The following OTUD5 variants were observed in gnomAD, a reference collection of about 807,000 sequenced individuals.
OTUD5 encodes the protein OTU deubiquitinase 5.
A neutral mutation model predicts 36.3 loss-of-function variants in OTUD5; 2 were observed. The observed-to-expected ratio is 0.06, with a 90% CI of 0.02 to 0.17. The LOEUF (loss-of-function observed/expected upper bound fraction) is 0.17. Ranked by LOEUF, OTUD5 falls within the 10% of genes least tolerant of loss-of-function variation. OTUD5 has a pLI of 1.00. For missense variants in OTUD5, 233 were observed against 512.3 expected, an observed-to-expected ratio of 0.45 and a Z score of 5.26; for synonymous variants, 234 against 214.9, an observed-to-expected ratio of 1.09 and a Z score of -0.78.
At chrX:48,932,799 T>C (rs782106265) in intron 5 of OTUD5, among the ~76,000 whole-genome samples, 9 of 111,464 alleles carry the variant, frequency 8.1e-5, no homozygotes, top group African/African-American at 2.9e-4. Flanking sequence ...AAAATTTTTT[T>C]TCATTTTTTT....
chrX:48,928,112 A>G (rs1557048093), intron 5 of OTUD5, among the ~76,000 whole-genome samples: 2 of 112,729 alleles, frequency 1.8e-5, no homozygotes, highest in Admixed American at 9.4e-5. Flanking sequence ...ATCCAACACA[A>G]TGACAGTATC....
rs368391981 is a variant in OTUD5 at position 48,923,757 on chromosome X, C to T, written c.1466-11G>A. 1.0e-5 allele frequency: 12 copies of T among 1,190,315 alleles called. No homozygotes were observed. The highest frequency in any genetic ancestry group is 2.3e-4 in the Middle Eastern group (1 of 4,327). ...ACTGACTGCTTGTACCTGAAGCAGA[C>T]GGACAGTCAAAGGTAGGGACCCAGG... On this transcript the variant is annotated splice_polypyrimidine_tract_variant and intron_variant, in intron 7 of 8. Coordinates refer to ENST00000376488, the MANE Select transcript of OTUD5 (RefSeq NM_001136157.2).
chrX:48,922,809 T>C lies in OTUD5; in HGVS notation c.*365A>G. 1.3e-6 allele frequency: 1 copy of C among 788,625 alleles called. No individual in the cohort carries two copies. Among genetic ancestry groups the C allele is most frequent in the African/African-American group, 2.2e-5 (1 of 44,999 alleles). 65.0% of individuals were successfully genotyped at this position (788,625 alleles called of 1,213,427 possible). ...TGGAAGGAATGAGGGGCAGGGAGACTTTCCTCTGTCTGAATGTCTCTCTCC... is the reference window on the plus strand; with the variant it reads ...TGGAAGGAATGAGGGGCAGGGAGACCTTCCTCTGTCTGAATGTCTCTCTCC... On this transcript the variant is annotated 3_prime_UTR_variant, in exon 9 of 9. Transcript: ENST00000376488.
intron 5 of OTUD5, among the ~76,000 whole-genome samples, chrX:48,930,642 T>C (rs1004666851): frequency 6.3e-5 from 7 of 111,746 alleles, no homozygotes; most frequent in African/African-American, 2.0e-4. Flanking sequence ...CAGTCTCCAA[T>C]ACATGCCAGG....
rs1188711919 is a variant in OTUD5, at chrX:48,942,244, TACACACACACAC to T, written c.688+1934_688+1945del. The stretch of plus-strand genomic sequence containing the variant: ...ACAGCTAGCTAGATACACACACACA[TACACACACACAC>T]ACACACACACACACACACACACACA... On this transcript the variant is annotated intron_variant, in intron 2 of 8. Transcript: ENST00000376488. Among the ~76,000 whole-genome samples, 7 of 57,094 alleles carry T rather than the reference TACACACACACAC, an allele frequency of 1.2e-4. No homozygotes were observed. The East Asian group carries it at 1.9e-3, about 15-fold the overall frequency. The allele number at this position is 57,094 out of a possible 115,157, so 49.6% of individuals were successfully genotyped here. A position where few individuals can be genotyped will look rare whatever the true frequency, so the allele number is the denominator to read the frequency against.
At chrX:48,935,080 T>C (rs923526762) in intron 2 of OTUD5, 62 bp from the exon 3 acceptor site, 35 of 1,027,505 alleles carry the variant, frequency 3.4e-5, no homozygotes, top group East Asian at 1.6e-4. Context: ...CTCTGAATCA[T>C]AGAACATCCT....
intron 1 of OTUD5, among the ~76,000 whole-genome samples, chrX:48,948,758 A>G (rs782310207): frequency 1.8e-5 from 2 of 111,643 alleles, no homozygotes; most frequent in African/African-American, 6.5e-5. Context: ...TCAGCCATAG[A>G]TAAGTTTAAG....
At chrX:48,923,612 C>A in intron 8 of OTUD5, 21 bp downstream of exon 8, 1 of 1,099,511 alleles carries the variant, frequency 9.1e-7, no homozygotes, top group Non-Finnish European at 1.3e-6. Flanking sequence ...GCCTCCATCC[C>A]CCCAGACAAA....
chrX:48,951,851 C>A (rs2064153027), intron 1 of OTUD5, among the ~76,000 whole-genome samples: 1 of 111,534 alleles, frequency 9.0e-6, no homozygotes, highest in Admixed American at 9.5e-5. Context: ...GTCAGGAGTT[C>A]AGGAGACCAG....
chrX:48,929,321 GA>G (rs1423826250), intron 5 of OTUD5, among the ~76,000 whole-genome samples: 2 of 110,843 alleles, frequency 1.8e-5, no homozygotes, highest in East Asian at 5.6e-4. Context: ...CACGGAGGCT[GA>G]GGTTGCAGTG....
rs2063601209 is a variant in OTUD5 at position 48,922,799 on chromosome X, G to A, written c.*375C>T. 1.3e-6 allele frequency: 1 copy of A among 782,806 alleles called. No homozygotes were observed. The highest frequency in any genetic ancestry group is 1.5e-6 in the Non-Finnish European group (1 of 657,820). The allele number at this position is 782,806 out of a possible 1,213,427, so 64.5% of individuals were successfully genotyped here. A position where few individuals can be genotyped will look rare whatever the true frequency, so the allele number is the denominator to read the frequency against. On this transcript the variant is annotated 3_prime_UTR_variant, in exon 9 of 9. Transcript: ENST00000376488. ...TTTCTCATCTTGGAAGGAATGAGGG[G>A]CAGGGAGACTTTCCTCTGTCTGAAT...
intron 1 of OTUD5, among the ~76,000 whole-genome samples, chrX:48,946,374 G>T (rs1455033808): frequency 9.0e-6 from 1 of 111,691 alleles, no homozygotes; most frequent in East Asian, 2.8e-4. Flanking sequence ...GCCAATCACA[G>T]AAGGGGAGGA....
intron 1 of OTUD5, among the ~76,000 whole-genome samples, chrX:48,956,059 T>C (rs1272265227): frequency 9.0e-6 from 1 of 110,777 alleles, no homozygotes; most frequent in African/African-American, 3.3e-5. Context: ...CTGGTGGGGG[T>C]GCTGAGGGCC....
At chrX:48,940,882 G>A (rs1244577677) in intron 2 of OTUD5, 1 of 112,113 alleles carries the variant, frequency 8.9e-6, no homozygotes, top group Non-Finnish European at 1.9e-5. Flanking sequence ...TTAACTCAGG[G>A]GAACCAATGG....
Position 48,957,425 on chromosome X carries a change from TCGCCGCCGCCCACGCCCGTGC to T in OTUD5, c.125_145del (p.Gly42_Gly48del), listed in dbSNP as rs1447498742. The T allele has an allele frequency of 3.7e-5, 39 of 1,060,816 alleles. No homozygotes were observed. The highest frequency in any genetic ancestry group is 3.5e-5 in the Admixed American group (1 of 28,313). The allele number at this position is 1,060,816 out of a possible 1,213,427, so 87.4% of individuals were successfully genotyped here. On this transcript the variant is annotated inframe_deletion, in exon 1 of 9. Transcript: ENST00000376488. The stretch of plus-strand genomic sequence containing the variant: ...CACGACGCCGGAGTCACGGTCGCGA[TCGCCGCCGCCCACGCCCGTGC>T]CGCCGCCGCCCACGCCCACACCTCC...
At chrX:48,950,101 A>C (rs1313444513) in intron 1 of OTUD5, among the ~76,000 whole-genome samples, 2 of 102,241 alleles carry the variant, frequency 2.0e-5, no homozygotes, top group African/African-American at 7.3e-5. Context: ...GTGAGCCGAG[A>C]CTGCGCCTGG....
intron 1 of OTUD5, among the ~76,000 whole-genome samples, chrX:48,947,478 G>T (rs1197454575): frequency 6.3e-5 from 7 of 110,285 alleles, no homozygotes; most frequent in African/African-American, 2.3e-4. Context: ...TGAGGTGGGC[G>T]GATCACCTGA....
chrX:48,925,964 C>G lies in OTUD5; in HGVS notation c.1146G>C (p.Arg382=). 8.3e-7 allele frequency: 1 copy of G among 1,209,761 alleles called. No individual in the cohort carries two copies. The highest frequency in any genetic ancestry group is 1.1e-6 in the Non-Finnish European group (1 of 893,826). ...CATTTGTGGCCTCCCAGTCTGTGGC[C>G]CGTTTCTTGTCTTCTAGCATCTGCT... ...IEQQMLEDKK[R]ATDWEATNEA... The change falls in exon 6 of 9, where the codon CGG becomes CGC. Residue 382 remains arginine (R), a synonymous_variant. Coordinates refer to ENST00000376488, the MANE Select transcript of OTUD5 (RefSeq NM_001136157.2).
intron 5 of OTUD5, among the ~76,000 whole-genome samples, chrX:48,927,972 A>G (rs781838795): frequency 8.9e-6 from 1 of 112,630 alleles, no homozygotes; most frequent in Non-Finnish European, 1.9e-5. Context: ...GGAAGTCACA[A>G]ACACAATTCA....
Sources: gnomAD v4.1 joint callset for allele counts (sites outside exome capture counted in the v4.1 genomes callset) on GRCh38, gnomAD v4.1.1 for gene constraint, MANE v1.5 for transcripts, NCBI Gene and HGNC (gene_info 2026-07-23, HGNC 2026-07-21) for gene names.